Variants in ADNP observed in about 807,000 individuals in gnomAD.
The protein encoded by ADNP is activity-dependent neuroprotector homeobox protein.
ADNP carries 4 observed loss-of-function variants against 84.9 expected under a neutral mutation model. The observed-to-expected ratio is 0.05, with a 90% CI of 0.02 to 0.11. ADNP has a LOEUF of 0.11. ADNP is among the 10% of genes least tolerant of loss of function. The pLI, the probability that ADNP is intolerant of heterozygous loss-of-function variation, is 1.00. For synonymous variants in ADNP, 554 were observed against 468.1 expected (o/e 1.18, Z -2.37); for missense variants, 1,132 against 1,326.0 (o/e 0.85, Z 2.27).
rs1301674878 is a variant in ADNP at position 50,893,521 on chromosome 20, T to C, written c.1193A>G (p.Asn398Ser). ...APARYSLQSANASSLSSGQLK... is the reference protein window; with the variant it reads ...APARYSLQSASASSLSSGQLK... ...CTGGCCCGATGAGAGAGAAGAGGCATTAGCAGACTGCAGGGAGTATCTTGC... is the reference window on the plus strand; with the variant it reads ...CTGGCCCGATGAGAGAGAAGAGGCACTAGCAGACTGCAGGGAGTATCTTGC... The change falls in exon 6 of 6, where the codon AAT (asparagine) becomes AGT (serine). Residue 398 changes from asparagine (N) to serine (S), a missense_variant. By Grantham distance (46) the Asn-to-Ser change is conservative. Transcript: ENST00000621696. This position sits in a 1 kb window ranked among gnomAD's most constrained non-coding sequence, Gnocchi z 4.4. 2 of 1,613,840 alleles carry C rather than the reference T, an allele frequency of 1.2e-6. No homozygotes were observed. Among genetic ancestry groups the C allele is most frequent in the East Asian group, 2.2e-5 (1 of 44,892 alleles).
At chr20:50,915,919 T>A (rs1182381498) in intron 2 of ADNP, among the ~76,000 whole-genome samples, 3 of 125,928 alleles carry the variant, frequency 2.4e-5, no homozygotes, top group Non-Finnish European at 5.1e-5. Context: ...ATAATCATAT[T>A]ATAACACTCT....
intron 2 of ADNP, among the ~76,000 whole-genome samples, chr20:50,915,462 A>G (rs1983437367): frequency 1.3e-5 from 2 of 152,238 alleles, no homozygotes. Context: ...GAGAGCCTAC[A>G]GCCAGACTGG....
intron 5 of ADNP, among the ~76,000 whole-genome samples, chr20:50,898,127 T>C (rs1010251709): frequency 1.3e-5 from 2 of 152,224 alleles, no homozygotes. Flanking sequence ...GTTTCCAGAA[T>C]AGAAAGGTTT....
rs1449967098 is a variant in ADNP, at chr20:50,893,828, G to T, written c.886C>A (p.Arg296=). 6.2e-7 allele frequency: 1 copy of T among 1,614,162 alleles called. No homozygotes were observed. Residue 296 remains arginine (R), a synonymous_variant, in exon 6 of 6, where the codon CGG becomes AGG. Coordinates refer to ENST00000621696, the MANE Select transcript of ADNP (RefSeq NM_001282531.3). The surrounding 1 kb of genome is among the most constrained non-coding windows in gnomAD (Gnocchi z 4.4). ...RIGSLASGNV[R]SLPSQQMVNR... ...ACCATCTGCTGTGATGGTAAAGACC[G>T]GACATTTCCAGAAGCAAGGGAACCG... is the stretch of plus-strand genomic sequence containing the variant.
At chr20:50,899,594 C>T (rs1236693130) in intron 5 of ADNP, among the ~76,000 whole-genome samples, 1 of 152,018 alleles carries the variant, frequency 6.6e-6, no homozygotes, top group Non-Finnish European at 1.5e-5. Context: ...CAGCCTCAGC[C>T]AGATCCTTCA....
intron 2 of ADNP, among the ~76,000 whole-genome samples, chr20:50,911,494 A>G (rs1983028952): frequency 6.6e-6 from 1 of 151,100 alleles, no homozygotes; most frequent in South Asian, 2.1e-4. Flanking sequence ...ACTAAAACCC[A>G]GATTTCTTTT....
At position 50,889,928 on chromosome 20, in the gene ADNP, C is replaced by T. The variant is rs548093313; in HGVS notation, c.*1477G>A. The T allele has an allele frequency of 2.0e-5, 8 of 397,328 alleles. No individual in the cohort carries two copies. In the South Asian group the frequency reaches 3.8e-4, roughly 19 times the overall value. 24.6% of individuals were successfully genotyped at this position (397,328 alleles called of 1,614,324 possible). ...CCGCCTGCACTACAGTTGTTCCCAT[C>T]GTAAGGTGAAAACGAACGTTTAACT... On this transcript the variant is annotated 3_prime_UTR_variant, in exon 6 of 6. Coordinates refer to ENST00000621696, the MANE Select transcript of ADNP (RefSeq NM_001282531.3).
intron 2 of ADNP, among the ~76,000 whole-genome samples, chr20:50,912,791 A>C (rs1276594971): frequency 2.0e-5 from 3 of 152,218 alleles, no homozygotes. Context: ...CAGTAAACCT[A>C]AAGGATCAGA....
At chr20:50,920,278 A>G (rs1352727887) in intron 2 of ADNP, among the ~76,000 whole-genome samples, 1 of 144,884 alleles carries the variant, frequency 6.9e-6, no homozygotes, top group Admixed American at 6.9e-5. Context: ...AAAAAAAAAA[A>G]AAAAAAGAAA....
At position 50,890,090 on chromosome 20, in the gene ADNP, A is replaced by G. The variant is rs1250374740; in HGVS notation, c.*1315T>C. The G allele has an allele frequency of 9.4e-5, 30 of 319,428 alleles. No individual in the cohort carries two copies. The East Asian group carries it at 1.4e-3, about 15-fold the overall frequency. 19.8% of individuals were successfully genotyped at this position (319,428 alleles called of 1,614,324 possible). Reference sequence around the variant, plus strand: ...ATATATGCAGGCTCTGCTCCTTAACAAAAGGTGAACTGAAAAACTCAAGGG... The same window carrying G: ...ATATATGCAGGCTCTGCTCCTTAACGAAAGGTGAACTGAAAAACTCAAGGG... On this transcript the variant is annotated 3_prime_UTR_variant, in exon 6 of 6. Transcript: ENST00000621696.
Position 50,892,149 on chromosome 20 carries a change from T to G in ADNP, c.2565A>C (p.Arg855Ser), listed in dbSNP as rs745345564. The G allele has an allele frequency of 6.2e-7, 1 of 1,614,192 alleles. No homozygotes were observed. Among genetic ancestry groups the G allele is most frequent in the East Asian group, 2.2e-5 (1 of 44,880 alleles). The change falls in exon 6 of 6, where the codon AGA becomes AGC. Residue 855 changes from arginine to serine, a missense_variant. By Grantham distance (110) the Arg-to-Ser change is moderately radical. This residue lies in a region of ADNP where 381 missense variants were observed against 319.9 expected (regional missense o/e 1.19). Coordinates refer to ENST00000621696, the MANE Select transcript of ADNP (RefSeq NM_001282531.3). The stretch of plus-strand genomic sequence containing the variant: ...TGTCAGCAGTCTTACTAGCATTGAC[T>G]CTGGAATCCTTCTCATCATGATTTT... The part of the protein sequence containing the change: ...LFENHDEKDS[R>S]VNASKTADKK...
intron 2 of ADNP, among the ~76,000 whole-genome samples, chr20:50,926,769 T>C (rs2123009880): frequency 6.6e-6 from 1 of 152,334 alleles, no homozygotes; most frequent in Admixed American, 6.5e-5. Flanking sequence ...TTGTTACTTA[T>C]ATATGATTCT....
At position 50,918,281 on chromosome 20, in the gene ADNP, T is replaced by C. The variant is rs113805821; in HGVS notation, c.-90+10370A>G. ...TGGTCTGGGTTCAAAATCAGGGGCA[T>C]TTATCACTGATGGATCTCTTTACCA... On this transcript the variant is annotated intron_variant, in intron 2 of 5. Transcript: ENST00000621696. Among the ~76,000 whole-genome samples, 884 of 152,282 alleles carry C rather than the reference T, an allele frequency of 5.8e-3. 7 individuals carry two copies. Among genetic ancestry groups the C allele is most frequent in the Non-Finnish European group, 8.9e-3 (602 of 68,020 alleles).
At position 50,891,255 on chromosome 20, in the gene ADNP, T is replaced by C. The variant is rs866463092; in HGVS notation, c.*150A>G. 2.8e-6 allele frequency: 4 copies of C among 1,414,556 alleles called. No individual in the cohort carries two copies. The highest frequency in any genetic ancestry group is 2.6e-4 in the Middle Eastern group (1 of 3,846). 87.6% of individuals were successfully genotyped at this position (1,414,556 alleles called of 1,614,324 possible). A position where few individuals can be genotyped will look rare whatever the true frequency, so the allele number is the denominator to read the frequency against. On this transcript the variant is annotated 3_prime_UTR_variant, in exon 6 of 6. Coordinates refer to ENST00000621696, the MANE Select transcript of ADNP (RefSeq NM_001282531.3). ...AGAACAGCCTGTCCTGTCATAGACT[T>C]AGAAATAACCACTGGAACTGCAGCG...
chr20:50,916,788 AG>A (rs942785326), intron 2 of ADNP, among the ~76,000 whole-genome samples: 41 of 152,362 alleles, frequency 2.7e-4, no homozygotes, highest in African/African-American at 9.6e-4. Flanking sequence ...ATGGAATCTA[AG>A]TAACAATCAC....
chr20:50,897,804 A>C (rs1981567860), intron 5 of ADNP, among the ~76,000 whole-genome samples: 1 of 152,224 alleles, frequency 6.6e-6, no homozygotes. Context: ...AGCGACAATA[A>C]GCAAAAGCTT....
intron 2 of ADNP, among the ~76,000 whole-genome samples, chr20:50,914,660 G>A (rs1317362611): frequency 6.6e-6 from 1 of 151,908 alleles, no homozygotes. Context: ...AAGTGATTCC[G>A]TGGCTGTTGT....
At chr20:50,930,623 G>C (rs1050436723) in intron 1 of ADNP, among the ~76,000 whole-genome samples, 3 of 152,138 alleles carry the variant, frequency 2.0e-5, no homozygotes, top group African/African-American at 7.2e-5. Context: ...CTCCGGAGCA[G>C]AGTCGGGTAG....
At chr20:50,908,633 G>A (rs564732667) in intron 2 of ADNP, among the ~76,000 whole-genome samples, 40 of 152,024 alleles carry the variant, frequency 2.6e-4, no homozygotes, top group Non-Finnish European at 4.6e-4. Context: ...AATTAGCTAG[G>A]CGTGGTGGTG....
Sources: gnomAD v4.1 joint callset for allele counts (sites outside exome capture counted in the v4.1 genomes callset) on GRCh38, gnomAD v4.1.1 for gene constraint, gnomAD v4.1.1 regional missense constraint, Gnocchi (gnomAD v3.1) non-coding constraint, MANE v1.5 for transcripts, NCBI Gene and HGNC (gene_info 2026-07-23, HGNC 2026-07-21) for gene names.